Variants in ZFAT observed in about 807,000 individuals in gnomAD.
The protein encoded by ZFAT is zinc finger protein ZFAT.
ZFAT carries 64 observed loss-of-function variants against 117.7 expected under a neutral mutation model. The observed-to-expected ratio is 0.54, with a 90% CI of 0.44 to 0.67. The LOEUF is 0.67. ZFAT is among the 30% of genes least tolerant of loss of function. The probability of loss-of-function intolerance (pLI) is 0.00; values close to 1 mark genes in which losing one functional copy is unlikely to be tolerated. For missense variants in ZFAT, 1,433 were observed against 1,584.5 expected, an observed-to-expected ratio of 0.90 and a Z score of 1.62; for synonymous variants, 679 against 615.0, an observed-to-expected ratio of 1.10 and a Z score of -1.54.
At chr8:134,527,340 C>T (rs11989767) in intron 12 of ZFAT, among the ~76,000 whole-genome samples, 8 of 152,210 alleles carry the variant, frequency 5.3e-5, no homozygotes, top group Non-Finnish European at 1.2e-4. Flanking sequence ...TAATCCACCA[C>T]GAAGTGTGTG....
chr8:134,831,879 T>C, the ZFAT span, among the ~76,000 whole-genome samples: 2 of 151,786 alleles, frequency 1.3e-5, no homozygotes, highest in South Asian at 2.1e-4. Context: ...CCAGAGGCCG[T>C]GTCCCGAGAG....
At chr8:134,527,796 C>G in intron 12 of ZFAT, among the ~76,000 whole-genome samples, 1 of 152,184 alleles carries the variant, frequency 6.6e-6, no homozygotes. Context: ...AAGCTGATAT[C>G]CCAAACCCAA....
At chr8:134,802,126 AG>A in the ZFAT span, among the ~76,000 whole-genome samples, 1 of 152,336 alleles carries the variant, frequency 6.6e-6, no homozygotes, top group Middle Eastern at 3.4e-3. Context: ...TCAAATTACT[AG>A]GAAGTTTGTA....
intron 1 of ZFAT, among the ~76,000 whole-genome samples, chr8:134,662,384 T>C (rs745650142): frequency 2.0e-5 from 3 of 151,972 alleles, no homozygotes; most frequent in Non-Finnish European, 4.4e-5. Context: ...AGAAGGCCCT[T>C]AGGGAGAAGG....
the ZFAT span, among the ~76,000 whole-genome samples, chr8:134,726,238 C>T: frequency 6.6e-6 from 1 of 152,240 alleles, no homozygotes; most frequent in Middle Eastern, 3.4e-3. Context: ...GCCAAGCGGG[C>T]AACTTGAGAG....
intron 1 of ZFAT, among the ~76,000 whole-genome samples, chr8:134,706,145 A>C (rs1834145941): frequency 6.6e-6 from 1 of 152,204 alleles, no homozygotes; most frequent in Non-Finnish European, 1.5e-5. Flanking sequence ...ATAACCCAGA[A>C]ATTCCACTCC....
chr8:134,524,907 T>A (rs546037784), intron 12 of ZFAT, among the ~76,000 whole-genome samples: 4 of 152,318 alleles, frequency 2.6e-5, no homozygotes, highest in Admixed American at 6.5e-5. Flanking sequence ...TTACCATGCA[T>A]CAGGCACCTC....
the ZFAT span, among the ~76,000 whole-genome samples, chr8:134,809,525 T>G: frequency 1.3e-5 from 2 of 152,146 alleles, no homozygotes; most frequent in Non-Finnish European, 2.9e-5. Flanking sequence ...ACCAGGACAG[T>G]CCTAGGCAAA....
chr8:134,792,837 G>C, the ZFAT span: 1 of 152,052 alleles, frequency 6.6e-6, no homozygotes, highest in African/African-American at 2.4e-5. Flanking sequence ...CCATTATGTT[G>C]CTTTTACACA....
the ZFAT span, among the ~76,000 whole-genome samples, chr8:134,786,277 C>T: frequency 1.3e-5 from 2 of 152,160 alleles, no homozygotes; most frequent in African/African-American, 4.8e-5. Flanking sequence ...ATCTCCAGTG[C>T]AACATGGAAC....
In ZFAT at chr8:134,675,123, A is replaced by C. The variant is rs925420257; in HGVS notation, c.20-17386T>G. ...AGAATGAGTTTGACAAATTGACAGA[A>C]GTAGGCTTCAGAAGGTGGGTAATAA... On this transcript the variant is annotated intron_variant, in intron 1 of 15. Coordinates refer to ENST00000377838, the MANE Select transcript of ZFAT (RefSeq NM_020863.4). 2.6e-5 allele frequency among the ~76,000 whole-genome samples: 4 copies of C among 152,358 alleles called. 1 individual carries two copies. Among genetic ancestry groups the C allele is most frequent in the Non-Finnish European group, 1.5e-5 (1 of 68,030 alleles).
the ZFAT span, chr8:134,797,098 C>A: frequency 6.6e-6 from 1 of 152,092 alleles, no homozygotes; most frequent in South Asian, 2.1e-4. Context: ...CATACTTATA[C>A]CTTTACTTGA....
intron 3 of ZFAT, among the ~76,000 whole-genome samples, chr8:134,621,845 C>T (rs537254613): frequency 2.6e-5 from 4 of 152,276 alleles, no homozygotes; most frequent in East Asian, 1.9e-4. Context: ...CAGTGTACTA[C>T]GTGAAATACG....
the ZFAT span, among the ~76,000 whole-genome samples, chr8:134,759,384 G>A: frequency 1.3e-5 from 2 of 152,182 alleles, no homozygotes; most frequent in African/African-American, 4.8e-5. Context: ...CAGCTACCTT[G>A]ATGTAAATCC....
intron 1 of ZFAT, among the ~76,000 whole-genome samples, chr8:134,678,323 G>A (rs1163973874): frequency 6.6e-6 from 1 of 152,170 alleles, no homozygotes; most frequent in Non-Finnish European, 1.5e-5. Context: ...GCCAAATCAT[G>A]AGTGAACTCC....
the ZFAT span, among the ~76,000 whole-genome samples, chr8:134,829,959 G>C: frequency 6.6e-6 from 1 of 152,174 alleles, no homozygotes; most frequent in South Asian, 2.1e-4. Context: ...TTTTGGCCAT[G>C]ATCACAATAA....
intron 2 of ZFAT, among the ~76,000 whole-genome samples, chr8:134,644,629 C>T (rs557737670): frequency 3.3e-5 from 5 of 151,918 alleles, no homozygotes; most frequent in South Asian, 2.1e-4. Context: ...CCAAATGTAC[C>T]GTATACACAA....
the ZFAT span, among the ~76,000 whole-genome samples, chr8:134,767,875 G>C: frequency 2.6e-5 from 4 of 152,052 alleles, no homozygotes; most frequent in African/African-American, 9.7e-5. Context: ...CCTTTCATCT[G>C]TTCTGGAAAA....
chr8:134,644,087 C>T (rs1206333296), intron 2 of ZFAT, among the ~76,000 whole-genome samples: 1 of 151,222 alleles, frequency 6.6e-6, no homozygotes, highest in Non-Finnish European at 1.5e-5. Flanking sequence ...CTGAACTTAA[C>T]CGCGCAGAGG....
Sources: allele counts gnomAD v4.1 joint callset (sites outside exome capture counted in the v4.1 genomes callset), GRCh38; gene constraint gnomAD v4.1.1; transcripts MANE v1.5; gene names NCBI Gene and HGNC (gene_info 2026-07-23, HGNC 2026-07-21).